The following GNPTAB variants were observed in gnomAD, a reference collection of about 807,000 sequenced individuals.
GNPTAB encodes the protein N-acetylglucosamine-1-phosphate transferase subunits alpha and beta, also known as N-acetylglucosamine-1-phosphotransferase subunits alpha/beta.
GNPTAB carries 92 observed loss-of-function variants against 136.6 expected under a neutral mutation model. That is an observed-to-expected ratio of 0.67 (90% CI 0.57 to 0.80). The LOEUF (loss-of-function observed/expected upper bound fraction) is 0.80, where lower values mean the gene tolerates loss of function less well. GNPTAB is among the 30% of genes least tolerant of loss of function. The pLI, the probability that GNPTAB is intolerant of heterozygous loss-of-function variation, is 0.00. For synonymous variants in GNPTAB, 512 were observed against 535.1 expected (o/e 0.96, Z 0.60); for missense variants, 1,343 against 1,501.8 (o/e 0.89, Z 1.75).
Position 101,796,692 on chromosome 12 carries a change from T to C in GNPTAB, c.188A>G (p.Lys63Arg), listed in dbSNP as rs1433281660. ...FDSYRDNIAG[K>R]SFQNRLCLPM... ...TAGATCTTACCGATTCTGAAAGGAC[T>C]TTCCAGCAATATTGTCTCTATAGGA... The change falls in exon 2 of 21, where the codon AAG (lysine) becomes AGG (arginine). Residue 63 changes from lysine to arginine, a missense_variant. By Grantham distance (26) the Lys-to-Arg change is conservative (BLOSUM62 2). Transcript: ENST00000299314. The C allele has an allele frequency of 6.2e-7, 1 of 1,609,306 alleles. No individual in the cohort carries two copies. Among genetic ancestry groups the C allele is most frequent in the East Asian group, 2.2e-5 (1 of 44,838 alleles).
intron 5 of GNPTAB, among the ~76,000 whole-genome samples, chr12:101,784,854 C>T (rs1023839004): frequency 3.3e-5 from 5 of 152,026 alleles, no homozygotes; most frequent in Admixed American, 6.5e-5. Flanking sequence ...TCATTTTACA[C>T]ATAAAAACCA....
At chr12:101,829,275 A>G (rs1230994399) in intron 1 of GNPTAB, among the ~76,000 whole-genome samples, 3 of 152,226 alleles carry the variant, frequency 2.0e-5, no homozygotes, top group African/African-American at 7.2e-5. Flanking sequence ...ACTTGAGGTC[A>G]GAAGTTTGAG....
chr12:101,761,221 A>G lies in GNPTAB; in HGVS notation c.3041T>C (p.Phe1014Ser), dbSNP rs1222831048. ...AGATTGATCTGTATCAACTTCATCA[A>G]AGACTTGAGATATATTCAGTGGCTG... is the stretch of plus-strand genomic sequence containing the variant. ...AVQPLNISQV[F>S]DEVDTDQSGV... The change falls in exon 15 of 21, where the codon TTT (phenylalanine) becomes TCT (serine). Residue 1014 changes from phenylalanine (F) to serine (S), a missense_variant. Phe to Ser is a radical substitution (Grantham distance 155, BLOSUM62 -2). Coordinates refer to ENST00000299314, the MANE Select transcript of GNPTAB (RefSeq NM_024312.5). 1 of 1,614,052 alleles carries G rather than the reference A, an allele frequency of 6.2e-7. No homozygotes were observed.
At chr12:101,810,558 A>G (rs937208298) in intron 1 of GNPTAB, 2 of 151,902 alleles carry the variant, frequency 1.3e-5, no homozygotes, top group African/African-American at 4.8e-5. Context: ...TAGACAGTAG[A>G]AAAAAATATT....
chr12:101,791,281 G>T (rs1178531710), intron 2 of GNPTAB, among the ~76,000 whole-genome samples: 3 of 151,986 alleles, frequency 2.0e-5, no homozygotes, highest in Admixed American at 2.0e-4. Flanking sequence ...CATCTTTCAG[G>T]GGCCTGCCCA....
At chr12:101,798,650 G>A (rs549365569) in intron 1 of GNPTAB, among the ~76,000 whole-genome samples, 18 of 152,232 alleles carry the variant, frequency 1.2e-4, no homozygotes, top group East Asian at 1.9e-4. Flanking sequence ...AATCATAACC[G>A]AATAAAATCA....
intron 1 of GNPTAB, among the ~76,000 whole-genome samples, chr12:101,824,983 CT>C (rs1371519025): frequency 6.6e-6 from 1 of 152,176 alleles, no homozygotes; most frequent in Non-Finnish European, 1.5e-5. Context: ...CCTTGTCTCT[CT>C]TCTGTTTAAA....
intron 1 of GNPTAB, among the ~76,000 whole-genome samples, chr12:101,825,762 TGA>T (rs1224167937): frequency 6.6e-6 from 1 of 152,234 alleles, no homozygotes; most frequent in African/African-American, 2.4e-5. Context: ...AAAGCTAAAA[TGA>T]GGCTCTTAGA....
At chr12:101,791,261 A>G (rs1399957110) in intron 2 of GNPTAB, among the ~76,000 whole-genome samples, 1 of 152,134 alleles carries the variant, frequency 6.6e-6, no homozygotes, top group Non-Finnish European at 1.5e-5. Context: ...CTCACTACCA[A>G]AAACCTACCC....
chr12:101,813,931 T>C (rs1036187290), intron 1 of GNPTAB, among the ~76,000 whole-genome samples: 1 of 152,042 alleles, frequency 6.6e-6, no homozygotes, highest in Non-Finnish European at 1.5e-5. Context: ...ACACAAAAAT[T>C]AGCCAGGTGT....
intron 5 of GNPTAB, among the ~76,000 whole-genome samples, chr12:101,784,695 C>T (rs1376733060): frequency 6.9e-6 from 1 of 145,880 alleles, no homozygotes; most frequent in African/African-American, 2.6e-5. Context: ...AAAAAAAAAG[C>T]AAGTCATAGG....
At chr12:101,828,293 A>T (rs1871204030) in intron 1 of GNPTAB, among the ~76,000 whole-genome samples, 1 of 152,192 alleles carries the variant, frequency 6.6e-6, no homozygotes, top group Non-Finnish European at 1.5e-5. Flanking sequence ...AAGGAAGCTC[A>T]GAGAGGTTAA....
chr12:101,765,932 T>G, intron 12 of GNPTAB, 159 bp downstream of exon 12: 1 of 697,300 alleles, frequency 1.4e-6, no homozygotes, highest in Non-Finnish European at 2.6e-6. Flanking sequence ...CTTCAGTGAT[T>G]TATGTTGTTC....
chr12:101,783,878 C>T (rs1239116741), intron 5 of GNPTAB, among the ~76,000 whole-genome samples: 1 of 151,856 alleles, frequency 6.6e-6, no homozygotes, highest in Admixed American at 6.6e-5. Flanking sequence ...TCATGCCAGA[C>T]TAATTTTTGT....
Position 101,761,117 on chromosome 12 carries a change from A to C in GNPTAB, c.3135+10T>G. 1 of 1,594,454 alleles carries C rather than the reference A, an allele frequency of 6.3e-7. No individual in the cohort carries two copies. Among genetic ancestry groups the C allele is most frequent in the Non-Finnish European group, 8.6e-7 (1 of 1,162,846 alleles). On this transcript the variant is annotated intron_variant, in intron 15 of 20. Coordinates refer to ENST00000299314, the MANE Select transcript of GNPTAB (RefSeq NM_024312.5). ...AACATCAAAAAGTTTAGAATAAGAC[A>C]ATACAACACCTGCAAACTTAACGGC...
chr12:101,830,750 CATTCAGGGGCCCCGGTCGG>C lies in GNPTAB; in HGVS notation c.-94_-76del. 3 of 931,024 alleles carry C rather than the reference CATTCAGGGGCCCCGGTCGG, an allele frequency of 3.2e-6. No individual in the cohort carries two copies. Among genetic ancestry groups the C allele is most frequent in the East Asian group, 2.9e-5 (1 of 34,772 alleles). The allele number at this position is 931,024 out of a possible 1,614,324, so 57.7% of individuals were successfully genotyped here. A position where few individuals can be genotyped will look rare whatever the true frequency, so the allele number is the denominator to read the frequency against. ...CGCCGCCGCCGCCTCAGCGAGCCGC[CATTCAGGGGCCCCGGTCGG>C]GCCGCCGCGCGCAGGTCACAGCCTC... On this transcript the variant is annotated 5_prime_UTR_variant, in exon 1 of 21. An upstream start codon of the reference 5' UTR is lost. Coordinates refer to ENST00000299314, the MANE Select transcript of GNPTAB (RefSeq NM_024312.5).
intron 2 of GNPTAB, among the ~76,000 whole-genome samples, chr12:101,791,925 T>C (rs1869016436): frequency 6.6e-6 from 1 of 152,334 alleles, no homozygotes; most frequent in African/African-American, 2.4e-5. Context: ...TTCTAGGTGC[T>C]AGGGTTTCAG....
chr12:101,804,658 T>C (rs1201580773), intron 1 of GNPTAB, among the ~76,000 whole-genome samples: 1 of 152,220 alleles, frequency 6.6e-6, no homozygotes, highest in African/African-American at 2.4e-5. Flanking sequence ...TAGCCACATT[T>C]CAAGCACTCA....
intron 7 of GNPTAB, among the ~76,000 whole-genome samples, chr12:101,775,303 C>T (rs183821488): frequency 2.3e-3 from 356 of 152,078 alleles, no homozygotes; most frequent in African/African-American, 8.2e-3. Flanking sequence ...CTAAGACCAA[C>T]TGAAAACCAA....
Sources: allele counts gnomAD v4.1 joint callset (sites outside exome capture counted in the v4.1 genomes callset), GRCh38; gene constraint gnomAD v4.1.1; transcripts MANE v1.5; gene names NCBI Gene and HGNC (gene_info 2026-07-23, HGNC 2026-07-21).